CERS2: variants seen among roughly 807,000 people sequenced by gnomAD.
The protein encoded by CERS2 is ceramide synthase 2.
In CERS2, 20 loss-of-function variants were observed where a neutral mutation model predicts 56.6. That is an observed-to-expected ratio of 0.35 (90% CI 0.25 to 0.51). The LOEUF is 0.51. Among genes scored for constraint, CERS2 ranks in the 20% least tolerant of loss-of-function variants. The pLI is 0.96. For missense variants in CERS2, 361 were observed against 488.6 expected, an observed-to-expected ratio of 0.74 and a Z score of 2.46; for synonymous variants, 187 against 175.4, an observed-to-expected ratio of 1.07 and a Z score of -0.52.
At chr1:150,967,909 A>AAAT in intron 4 of CERS2, 32 bp from the exon 5 acceptor site, 1 of 1,559,168 alleles carries the variant, frequency 6.4e-7, no homozygotes, top group Non-Finnish European at 8.8e-7. Context: ...GCTAGGTCAG[A>AAAT]GGATAGCACA....
rs982297389 is a variant in CERS2, at chr1:150,968,392, T to A, written c.291+3A>T. ...CAGAGCCAGAGCAGCATGCGGCTCATACCTGCTTGGGCTGCTTGCCACTGG... is the reference window on the plus strand; with the variant it reads ...CAGAGCCAGAGCAGCATGCGGCTCAAACCTGCTTGGGCTGCTTGCCACTGG... On this transcript the variant is annotated splice_donor_region_variant and intron_variant, in intron 3 of 10. Coordinates refer to ENST00000368954, the MANE Select transcript of CERS2 (RefSeq NM_022075.5). 1.9e-6 allele frequency: 3 copies of A among 1,610,958 alleles called. No individual in the cohort carries two copies. The African/African-American group carries it at 4.0e-5, about 22-fold the overall frequency.
chr1:150,972,879 G>A (rs1671218904), intron 1 of CERS2, among the ~76,000 whole-genome samples: 1 of 152,212 alleles, frequency 6.6e-6, no homozygotes, highest in South Asian at 2.1e-4. Context: ...AGGAGCAGAG[G>A]ATCCCCATGG....
intron 1 of CERS2, chr1:150,972,057 C>A: frequency 2.6e-6 from 1 of 386,626 alleles, no homozygotes; most frequent in Non-Finnish European, 5.2e-6. Flanking sequence ...ATGTCTCATG[C>A]CTGCAAAACA....
At position 150,968,497 on chromosome 1, in the gene CERS2, T is replaced by G. The variant is rs1671089063; in HGVS notation, c.189A>C (p.Pro63=). Residue 63 remains proline, a synonymous_variant, in exon 3 of 11, where the codon CCA becomes CCC. Coordinates refer to ENST00000368954, the MANE Select transcript of CERS2 (RefSeq NM_022075.5). ...RYFFELYVAT[P]LAALLNIKEK... ...CCTTTATGTTCAAGAGGGCAGCCAG[T>G]GGTGTAGCCACGTACCTGGGGAAGG... The G allele has an allele frequency of 6.2e-7, 1 of 1,613,890 alleles. No homozygotes were observed.
rs1369252856 is a variant in CERS2 at position 150,965,562 on chromosome 1, C to T, written c.*586G>A. 2.0e-5 allele frequency: 3 copies of T among 152,680 alleles called. No homozygotes were observed. Among genetic ancestry groups the T allele is most frequent in the Admixed American group, 2.0e-4 (3 of 15,274 alleles). 9.5% of individuals were successfully genotyped at this position (152,680 alleles called of 1,614,324 possible). On this transcript the variant is annotated 3_prime_UTR_variant, in exon 11 of 11. Coordinates refer to ENST00000368954, the MANE Select transcript of CERS2 (RefSeq NM_022075.5). ...AGAAGTAGCACTAAGAAAGATCATC[C>T]GAGCAGTCCCCAGTACAGCCCCCAC...
rs993369898 is a variant in CERS2 at position 150,965,303 on chromosome 1, A to C, written c.*845T>G. On this transcript the variant is annotated 3_prime_UTR_variant, in exon 11 of 11. Transcript: ENST00000368954. ...TTTAATCTTTTAATTTTTAAAAAAA[A>C]CCCATTAACAGTACATTTTGGTCTA... is the stretch of plus-strand genomic sequence containing the variant. 5 of 152,636 alleles carry C rather than the reference A, an allele frequency of 3.3e-5. No homozygotes were observed. Among genetic ancestry groups the C allele is most frequent in the East Asian group, 1.9e-4 (1 of 5,186 alleles). The allele number at this position is 152,636 out of a possible 1,614,324, so 9.5% of individuals were successfully genotyped here.
At chr1:150,973,131 T>A (rs267736) in intron 1 of CERS2, 134,406 of 152,270 alleles carry the variant, frequency 0.88, 59,438 homozygotes, top group Non-Finnish European at 0.91. Context: ...GCAGGTCATG[T>A]ACTAGAAGTC....
At chr1:150,968,279 C>T in intron 3 of CERS2, 78 bp from the exon 4 acceptor site, 1 of 1,497,712 alleles carries the variant, frequency 6.7e-7, no homozygotes. Context: ...CAGTAACAAC[C>T]TCAGTCAGCA....
chr1:150,974,588 G>T (rs1221249762), intron 1 of CERS2, 31 bp downstream of exon 1: 1 of 149,152 alleles, frequency 6.7e-6, no homozygotes, highest in African/African-American at 2.4e-5. Context: ...CCCGCGCGGG[G>T]CTCGGGCGCC....
intron 1 of CERS2, chr1:150,974,150 T>A (rs1039714199): frequency 6.6e-6 from 1 of 152,144 alleles, no homozygotes; most frequent in Non-Finnish European, 1.5e-5. Context: ...TCCCCTCTCC[T>A]CCCACCCAAG....
At chr1:150,969,669 G>GT (rs1671128517) in intron 1 of CERS2, among the ~76,000 whole-genome samples, 1 of 151,982 alleles carries the variant, frequency 6.6e-6, no homozygotes, top group Non-Finnish European at 1.5e-5. Flanking sequence ...ATTTCGGGGA[G>GT]TGGGGGAAGA....
intron 1 of CERS2, among the ~76,000 whole-genome samples, chr1:150,972,813 C>T (rs991393477): frequency 6.6e-6 from 1 of 152,172 alleles, no homozygotes; most frequent in African/African-American, 2.4e-5. Context: ...TGTCCAGCCC[C>T]AACCTTTGCC....
Position 150,968,448 on chromosome 1 carries a change from G to A in CERS2, c.238C>T (p.Pro80Ser), listed in dbSNP as rs376195861. ...TAGAAATGTTCCAAGGTGGCGTTGG[G>A]AGGTGCCCGCAGCCGAGTTTTCTCC... ...IKEKTRLRAP[P>S]NATLEHFYLT... The change falls in exon 3 of 11, where the codon CCC becomes TCC. Residue 80 changes from proline (P) to serine (S), a missense_variant. Physicochemically the swap from Pro to Ser is moderately conservative, Grantham distance 74. Coordinates refer to ENST00000368954, the MANE Select transcript of CERS2 (RefSeq NM_022075.5). The A allele has an allele frequency of 5.6e-6, 9 of 1,614,202 alleles. No individual in the cohort carries two copies. Among genetic ancestry groups the A allele is most frequent in the Middle Eastern group, 1.7e-4 (1 of 6,060 alleles).
chr1:150,966,709 G>A, intron 9 of CERS2, 47 bp downstream of exon 9: 2 of 1,598,876 alleles, frequency 1.3e-6, no homozygotes, highest in South Asian at 2.2e-5. Flanking sequence ...GAAAGGCAAG[G>A]CTCCTGATTT....
rs751386100 is a variant in CERS2 at position 150,966,100 on chromosome 1, A to G, written c.*48T>C. 7 of 1,576,648 alleles carry G rather than the reference A, an allele frequency of 4.4e-6. No homozygotes were observed. The highest frequency in any genetic ancestry group is 1.8e-4 in the Middle Eastern group (1 of 5,676). On this transcript the variant is annotated 3_prime_UTR_variant, in exon 11 of 11. Transcript: ENST00000368954. ...GACCCTATAGCGCAGGGAGCGGGGT[A>G]GTTCCTTGGCTTTATGCATTAATCT...
At chr1:150,968,836 T>C in intron 2 of CERS2, 82 bp downstream of exon 2, 1 of 1,378,190 alleles carries the variant, frequency 7.3e-7, no homozygotes, top group Non-Finnish European at 1.0e-6. Flanking sequence ...AAGGGCTAAT[T>C]AAACAGCAAG....
At chr1:150,966,663 G>C (rs200554053) in intron 9 of CERS2, 34 bp from the exon 10 acceptor site, 1 of 1,612,552 alleles carries the variant, frequency 6.2e-7, no homozygotes, top group South Asian at 1.1e-5. Flanking sequence ...ACGTGGACAA[G>C]AGCAGGTCAG....
At chr1:150,973,970 G>A (rs889432333) in intron 1 of CERS2, 7 of 152,698 alleles carry the variant, frequency 4.6e-5, no homozygotes, top group Admixed American at 1.3e-4. Flanking sequence ...GTTCCACCAG[G>A]AGCTCCCTTG....
intron 10 of CERS2, 65 bp downstream of exon 10, chr1:150,966,411 G>T: frequency 6.2e-7 from 1 of 1,601,226 alleles, no homozygotes; most frequent in Non-Finnish European, 8.5e-7. Flanking sequence ...AGAGTTACTG[G>T]CAAGATGGGA....
Sources: allele counts gnomAD v4.1 joint callset (sites outside exome capture counted in the v4.1 genomes callset), GRCh38; gene constraint gnomAD v4.1.1; transcripts MANE v1.5; gene names NCBI Gene and HGNC (gene_info 2026-07-23, HGNC 2026-07-21).